The following SOX6 variants were observed in gnomAD, a reference collection of about 807,000 sequenced individuals.
SOX6 encodes the protein SRY-box transcription factor 6, also known as transcription factor SOX-6.
Under a neutral mutation model 97.8 loss-of-function variants are expected in SOX6, and 11 were observed. That is an observed-to-expected ratio of 0.11 (90% CI 0.07 to 0.19). The LOEUF (loss-of-function observed/expected upper bound fraction) is 0.19, where lower values mean the gene tolerates loss of function less well. Among genes scored for constraint, SOX6 ranks in the 10% least tolerant of loss-of-function variants. SOX6 has a pLI of 1.00. For missense variants in SOX6, 810 were observed against 1,039.5 expected, an observed-to-expected ratio of 0.78 and a Z score of 3.04; for synonymous variants, 360 against 371.4, an observed-to-expected ratio of 0.97 and a Z score of 0.35.
intron 7 of SOX6, among the ~76,000 whole-genome samples, chr11:16,105,311 G>T (rs1849052156): frequency 6.6e-6 from 1 of 151,858 alleles, no homozygotes; most frequent in South Asian, 2.1e-4. Context: ...CACAGAATAG[G>T]CATCTGACAA....
intron 3 of SOX6, among the ~76,000 whole-genome samples, chr11:16,692,295 C>T (rs1848021918): frequency 6.6e-6 from 1 of 152,088 alleles, no homozygotes; most frequent in Non-Finnish European, 1.5e-5. Context: ...GGTGATCCAC[C>T]CACCTCGGCC....
chr11:16,638,702 C>T (rs11024003), intron 3 of SOX6, among the ~76,000 whole-genome samples: 40,771 of 152,104 alleles, frequency 0.27, 6,216 homozygotes, highest in East Asian at 0.53. Flanking sequence ...TGTCTTTTGG[C>T]TGCATAAATG....
At chr11:16,498,378 G>C (rs988685364) in intron 4 of SOX6, among the ~76,000 whole-genome samples, 2 of 152,092 alleles carry the variant, frequency 1.3e-5, no homozygotes, top group Non-Finnish European at 2.9e-5. Context: ...AGACCATCGA[G>C]GCTAGGATGA....
intron 4 of SOX6, among the ~76,000 whole-genome samples, chr11:16,583,581 A>ATATATATATATATATATGTTG: frequency 3.2e-5 from 1 of 31,718 alleles, no homozygotes; most frequent in Middle Eastern, 0.019. Flanking sequence ...TTCATTGTGT[A>ATATATATATATATATATGTTG]TATATATATA....
At chr11:15,984,761 T>G (rs1240226191) in intron 15 of SOX6, among the ~76,000 whole-genome samples, 2 of 152,212 alleles carry the variant, frequency 1.3e-5, no homozygotes, top group African/African-American at 4.8e-5. Flanking sequence ...TAAAAGGTTC[T>G]GCCATGGTAT....
At chr11:16,514,850 T>A (rs888332913) in intron 4 of SOX6, among the ~76,000 whole-genome samples, 27 of 151,816 alleles carry the variant, frequency 1.8e-4, no homozygotes, top group Non-Finnish European at 3.2e-4. Flanking sequence ...TCCAATTTCA[T>A]CCATGTCCCT....
chr11:16,129,377 T>G (rs1010088108), intron 6 of SOX6, among the ~76,000 whole-genome samples: 1 of 152,166 alleles, frequency 6.6e-6, no homozygotes, highest in Non-Finnish European at 1.5e-5. Flanking sequence ...ATCACAACTT[T>G]ATATGCTGTG....
intron 4 of SOX6, among the ~76,000 whole-genome samples, chr11:16,223,475 T>C (rs1817390302): frequency 6.6e-6 from 1 of 152,122 alleles, no homozygotes; most frequent in African/African-American, 2.4e-5. Context: ...GATGTTACCC[T>C]GTCATCTCTC....
chr11:16,509,154 T>C (rs1860837058), intron 4 of SOX6, among the ~76,000 whole-genome samples: 1 of 151,954 alleles, frequency 6.6e-6, no homozygotes, highest in Non-Finnish European at 1.5e-5. Context: ...GTTTACCATA[T>C]ATGTGTATTT....
At chr11:15,989,330 C>T in intron 13 of SOX6, 100 bp from the exon 14 acceptor site, 3 of 908,034 alleles carry the variant, frequency 3.3e-6, no homozygotes, top group Non-Finnish European at 4.9e-6. Context: ...TCCCCAGGTC[C>T]TCCTCTTCTT....
In SOX6 at chr11:16,250,016, T is replaced by C. The variant is rs143612476; in HGVS notation, c.446-15345A>G. Among the ~76,000 whole-genome samples the C allele has an allele frequency of 2.7e-4, 41 of 152,300 alleles. No homozygotes were observed. In the East Asian group the frequency reaches 7.7e-3, roughly 29 times the overall value. ...TTCCCCACTAAGTTTCTATAATATTTTGGCTTTCATTTAGAGGCAGAGGGG... is the reference window on the plus strand; with the variant it reads ...TTCCCCACTAAGTTTCTATAATATTCTGGCTTTCATTTAGAGGCAGAGGGG... On this transcript the variant is annotated intron_variant, in intron 3 of 15. Coordinates refer to ENST00000683767, the MANE Select transcript of SOX6 (RefSeq NM_001367873.1).
chr11:16,548,373 A>C (rs1228478522), intron 4 of SOX6, among the ~76,000 whole-genome samples: 1 of 152,172 alleles, frequency 6.6e-6, no homozygotes, highest in Non-Finnish European at 1.5e-5. Flanking sequence ...CTCTAACAGA[A>C]AATGTTCTCA....
Position 16,500,297 on chromosome 11 carries a change from C to G in SOX6, n.610-23909G>C, listed in dbSNP as rs371829936. Among the ~76,000 whole-genome samples, 607 of 152,216 alleles carry G rather than the reference C, an allele frequency of 4.0e-3. 3 individuals are homozygous for G. The highest frequency in any genetic ancestry group is 0.014 in the African/African-American group (582 of 41,554). On this transcript the variant is annotated intron_variant and non_coding_transcript_variant, in intron 4 of 5. Transcript: ENST00000524520. Reference sequence around the variant, plus strand: ...AAAAACTCTCAATAAATTAGGTATTCATGGGACATATCTCAAAATAATAAG... The same window carrying G: ...AAAAACTCTCAATAAATTAGGTATTGATGGGACATATCTCAAAATAATAAG...
chr11:16,629,794 AG>A (rs1411381870), intron 3 of SOX6, among the ~76,000 whole-genome samples: 1 of 152,118 alleles, frequency 6.6e-6, no homozygotes, highest in Admixed American at 6.6e-5. Context: ...TGGTCTGTTC[AG>A]GGTTTCAGTT....
chr11:16,006,056 T>C (rs1478785260), intron 13 of SOX6, among the ~76,000 whole-genome samples: 1 of 152,024 alleles, frequency 6.6e-6, no homozygotes, highest in Non-Finnish European at 1.5e-5. Context: ...GTGAAAATCA[T>C]ACTTACTTGC....
At chr11:16,312,819 T>C (rs1476047892) in intron 3 of SOX6, 1 of 152,210 alleles carries the variant, frequency 6.6e-6, no homozygotes, top group Admixed American at 6.6e-5. Flanking sequence ...GATACAAGGA[T>C]AACTAAAATT....
At chr11:16,599,489 T>C (rs1000611147) in intron 4 of SOX6, among the ~76,000 whole-genome samples, 13 of 152,176 alleles carry the variant, frequency 8.5e-5, no homozygotes, top group Non-Finnish European at 1.5e-4. Flanking sequence ...AACGTCCCTC[T>C]ATAAATGGAA....
chr11:16,235,923 A>G (rs1419231538), intron 3 of SOX6, among the ~76,000 whole-genome samples: 2 of 152,074 alleles, frequency 1.3e-5, no homozygotes, highest in Admixed American at 1.3e-4. Context: ...GACACTATCA[A>G]TCAATCAAGG....
At chr11:16,674,844 A>C (rs552650203) in intron 3 of SOX6, among the ~76,000 whole-genome samples, 12 of 152,280 alleles carry the variant, frequency 7.9e-5, no homozygotes, top group Non-Finnish European at 1.8e-4. Flanking sequence ...CCGGCTACTC[A>C]GGAGGCTGAG....
Sources: allele counts gnomAD v4.1 joint callset (sites outside exome capture counted in the v4.1 genomes callset), GRCh38; gene constraint gnomAD v4.1.1; transcripts MANE v1.5; gene names NCBI Gene and HGNC (gene_info 2026-07-23, HGNC 2026-07-21).